DUOXA1: variants seen among roughly 807,000 people sequenced by gnomAD.
DUOXA1 encodes the protein dual oxidase activator 1.
DUOXA1 carries 19 observed loss-of-function variants against 26.6 expected under a neutral mutation model. The ratio of observed to expected loss-of-function variants is 0.71; its 90% CI spans 0.50 to 1.05. DUOXA1 has a LOEUF of 1.05. Ranked by LOEUF, DUOXA1 falls within the 50% of genes least tolerant of loss-of-function variation. The probability of loss-of-function intolerance (pLI) is 0.00; values close to 1 mark genes in which losing one functional copy is unlikely to be tolerated. For missense variants in DUOXA1, 403 were observed against 427.5 expected, an observed-to-expected ratio of 0.94 and a Z score of 0.51; for synonymous variants, 166 against 177.0, an observed-to-expected ratio of 0.94 and a Z score of 0.49.
intron 3 of DUOXA1, among the ~76,000 whole-genome samples, chr15:45,128,414 T>C (rs1285543028): frequency 1.2e-4 from 18 of 151,832 alleles, no homozygotes; most frequent in Admixed American, 1.2e-3. Context: ...ATGGCTGGAG[T>C]TGCCAAGACC....
At position 45,123,269 on chromosome 15, in the gene DUOXA1, GC is replaced by G. The variant is rs150219303; in HGVS notation, c.-29-227del. 8.7e-3 allele frequency among the ~76,000 whole-genome samples: 1,325 copies of G among 152,160 alleles called. 18 individuals carry two copies. The highest frequency in any genetic ancestry group is 0.03 in the African/African-American group (1,234 of 41,492). ...AGGGTCTTTGCCATCAGTCTCTGTTGCCCCATTCTCCTCTCTTAACCTCCAG... is the reference window on the plus strand; with the variant it reads ...AGGGTCTTTGCCATCAGTCTCTGTTGCCCATTCTCCTCTCTTAACCTCCAG... On this transcript the variant is annotated intron_variant, in intron 3 of 8. Transcript: ENST00000560572.
At chr15:45,121,893 C>T (rs1276398826) in intron 5 of DUOXA1, among the ~76,000 whole-genome samples, 1 of 152,206 alleles carries the variant, frequency 6.6e-6, no homozygotes, top group Non-Finnish European at 1.5e-5. Flanking sequence ...TCCTCCCTTC[C>T]TTTCTGGGGC....
chr15:45,122,091 A>G (rs1388583286), intron 5 of DUOXA1, 94 bp downstream of exon 5: 1 of 1,412,144 alleles, frequency 7.1e-7, no homozygotes. Flanking sequence ...GCAAGGGCCC[A>G]CCGCTGTGGG....
Position 45,117,469 on chromosome 15 carries a change from G to T in DUOXA1, c.*1637C>A. ...GTTATGACCATTTTACAGATGAAAA[G>T]TGGGGGGCTCAGAAGGGTTTGGTGT... On this transcript the variant is annotated 3_prime_UTR_variant, in exon 9 of 9. Transcript: ENST00000560572. 1.3e-6 allele frequency: 2 copies of T among 1,548,550 alleles called. No individual in the cohort carries two copies. The highest frequency in any genetic ancestry group is 2.4e-5 in the East Asian group (1 of 40,872).
chr15:45,122,380 T>C (rs1895302425), intron 4 of DUOXA1, 138 bp from the exon 5 acceptor site: 1 of 796,202 alleles, frequency 1.3e-6, no homozygotes, highest in African/African-American at 1.7e-5. Flanking sequence ...GTCTGGCACA[T>C]AATAAGTGCT....
In DUOXA1 at chr15:45,120,177, G is replaced by A. The variant is rs1895039139; in HGVS notation, c.698C>T (p.Pro233Leu). 1 of 1,613,988 alleles carries A rather than the reference G, an allele frequency of 6.2e-7. No individual in the cohort carries two copies. The highest frequency in any genetic ancestry group is 1.3e-5 in the African/African-American group (1 of 74,888). The change falls in exon 8 of 9, where the codon CCC becomes CTC. Residue 233 changes from proline to leucine, a missense_variant. Physicochemically the swap from Pro to Leu is moderately conservative, Grantham distance 98. Transcript: ENST00000560572. ...AGAAGCGCCCAGGTGCAGGGGACAG[G>A]GTGAGGTGAGTGATGTGGCCATGGA... Reference protein sequence around the residue: ...FFSMATSLTSPCPLHLGASVL... With the variant: ...FFSMATSLTSLCPLHLGASVL...
rs985839306 is a variant in DUOXA1, at chr15:45,129,129, G to C, written c.-141C>G. The C allele has an allele frequency of 6.6e-6, 1 of 152,184 alleles. No homozygotes were observed. Among genetic ancestry groups the C allele is most frequent in the Middle Eastern group, 3.4e-3 (1 of 294 alleles). 9.4% of individuals were successfully genotyped at this position (152,184 alleles called of 1,614,324 possible). ...GTGATTAAAGAGGGAACCAGGTCCC[G>C]ACGTTCTGTGAACAAACGCGCGCCC... On this transcript the variant is annotated 5_prime_UTR_variant, in exon 3 of 9. Coordinates refer to ENST00000560572, the MANE Select transcript of DUOXA1 (RefSeq NM_001276266.2). The surrounding 1 kb of genome is among the most constrained non-coding windows in gnomAD (Gnocchi z 4.1).
At chr15:45,125,304 T>TC (rs892715690) in intron 3 of DUOXA1, among the ~76,000 whole-genome samples, 9 of 152,054 alleles carry the variant, frequency 5.9e-5, no homozygotes, top group Non-Finnish European at 1.2e-4. Flanking sequence ...TCATCAGTTG[T>TC]CCCCCTTCCC....
intron 3 of DUOXA1, among the ~76,000 whole-genome samples, chr15:45,125,603 C>T (rs1167832269): frequency 6.6e-6 from 1 of 152,192 alleles, no homozygotes; most frequent in Non-Finnish European, 1.5e-5. Context: ...GGGCAGTTTT[C>T]ACTTTTCATG....
Position 45,118,129 on chromosome 15 carries a change from T to C in DUOXA1, c.*977A>G. On this transcript the variant is annotated 3_prime_UTR_variant, in exon 9 of 9. Coordinates refer to ENST00000560572, the MANE Select transcript of DUOXA1 (RefSeq NM_001276266.2). ...AAACTGTTTTTCCCATTAATTTTCA[T>C]GGCTTCTCCGCGCCGGGGTCGCACG... 3 of 1,444,426 alleles carry C rather than the reference T, an allele frequency of 2.1e-6. No individual in the cohort carries two copies. Among genetic ancestry groups the C allele is most frequent in the Non-Finnish European group, 2.7e-6 (3 of 1,103,804 alleles). 89.5% of individuals were successfully genotyped at this position (1,444,426 alleles called of 1,614,324 possible).
chr15:45,126,239 C>T (rs1044408515), intron 3 of DUOXA1, among the ~76,000 whole-genome samples: 1 of 152,172 alleles, frequency 6.6e-6, no homozygotes, highest in Non-Finnish European at 1.5e-5. Flanking sequence ...AAAATCTCAT[C>T]TTCTTACTTT....
intron 3 of DUOXA1, 48 bp from the exon 4 acceptor site, chr15:45,123,091 C>T (rs1419017627): frequency 6.7e-7 from 1 of 1,495,460 alleles, no homozygotes; most frequent in East Asian, 2.5e-5. Flanking sequence ...ATGTACCTGG[C>T]ACTGTTTTTA....
Position 45,121,195 on chromosome 15 carries a change from C to T in DUOXA1, c.232G>A (p.Val78Met), listed in dbSNP as rs778845243. 8 of 1,614,188 alleles carry T rather than the reference C, an allele frequency of 5.0e-6. No individual in the cohort carries two copies. In the East Asian group the frequency reaches 1.6e-4, roughly 31 times the overall value. ...LAVNFSSEWS[V>M]GQVSTNTSYK... ...GATGTGTTGGTGCTGACCTGGCCCA[C>T]AGACCACTCAGAACTGAAATTCACA... is the stretch of plus-strand genomic sequence containing the variant. Residue 78 changes from valine (V) to methionine (M), a missense_variant, in exon 6 of 9, where the codon GTG becomes ATG. Physicochemically the swap from Val to Met is conservative, Grantham distance 21 (BLOSUM62 1). Coordinates refer to ENST00000560572, the MANE Select transcript of DUOXA1 (RefSeq NM_001276266.2).
chr15:45,121,529 C>A lies in DUOXA1; in HGVS notation c.206-308G>T, dbSNP rs534792847. On this transcript the variant is annotated intron_variant, in intron 5 of 8. Coordinates refer to ENST00000560572, the MANE Select transcript of DUOXA1 (RefSeq NM_001276266.2). ...CGCAGATAGCTTCAACAAAAACTTT[C>A]TTTGAGACGGAGTCTTGCTCTGTCT... Among the ~76,000 whole-genome samples, 343 of 152,336 alleles carry A rather than the reference C, an allele frequency of 2.3e-3. 1 individual carries two copies. Among genetic ancestry groups the A allele is most frequent in the Non-Finnish European group, 4.0e-3 (275 of 68,034 alleles).
chr15:45,119,977 C>T (rs942260511), intron 8 of DUOXA1, 126 bp downstream of exon 8: 6 of 1,079,736 alleles, frequency 5.6e-6, no homozygotes, highest in African/African-American at 4.7e-5. Context: ...GAGGGTGGGA[C>T]TTTAAAGAGG....
chr15:45,128,737 G>A (rs894584848), intron 3 of DUOXA1: 2 of 152,238 alleles, frequency 1.3e-5, no homozygotes, highest in Admixed American at 6.5e-5. Context: ...GCAAGCCAAA[G>A]TATCCAGACT....
At position 45,119,474 on chromosome 15, in the gene DUOXA1, T is replaced by C. The variant is rs1894938131; in HGVS notation, c.773-109A>G. 2.8e-6 allele frequency: 4 copies of C among 1,449,996 alleles called. No individual in the cohort carries two copies. The South Asian group carries it at 4.4e-5, about 16-fold the overall frequency. 89.8% of individuals were successfully genotyped at this position (1,449,996 alleles called of 1,614,324 possible). ...TCTAAGGGAAGCCTAGAGCCCCTGC[T>C]TCAGGGCAACTTGGGCTCAGAGAGG... On this transcript the variant is annotated intron_variant, in intron 8 of 8. Coordinates refer to ENST00000560572, the MANE Select transcript of DUOXA1 (RefSeq NM_001276266.2).
At chr15:45,122,096 T>A in intron 5 of DUOXA1, 89 bp downstream of exon 5, 3 of 1,428,850 alleles carry the variant, frequency 2.1e-6, no homozygotes, top group Non-Finnish European at 2.9e-6. Context: ...GGCCCACCGC[T>A]GTGGGGAAAC....
intron 3 of DUOXA1, among the ~76,000 whole-genome samples, chr15:45,127,099 A>G (rs1895740185): frequency 6.6e-6 from 1 of 152,242 alleles, no homozygotes; most frequent in Admixed American, 6.5e-5. Context: ...TGACATGTAG[A>G]CTGAAGCTAT....
Sources: gnomAD v4.1 joint callset for allele counts (sites outside exome capture counted in the v4.1 genomes callset) on GRCh38, gnomAD v4.1.1 for gene constraint, Gnocchi (gnomAD v3.1) non-coding constraint, MANE v1.5 for transcripts, NCBI Gene and HGNC (gene_info 2026-07-23, HGNC 2026-07-21) for gene names.